ANO10: variants seen among roughly 807,000 people sequenced by gnomAD.
ANO10 encodes anoctamin 10, also known as anoctamin-10.
A neutral mutation model predicts 74.7 loss-of-function variants in ANO10; 77 were observed. The observed-to-expected ratio is 1.03, with a 90% CI of 0.86 to 1.25. The LOEUF (loss-of-function observed/expected upper bound fraction) is 1.25. Ranked by LOEUF, ANO10 falls within the 50% of genes most tolerant of loss-of-function variation. The pLI, the probability that ANO10 is intolerant of heterozygous loss-of-function variation, is 0.00. For synonymous variants in ANO10, 279 were observed against 284.9 expected (o/e 0.98, Z 0.21); for missense variants, 721 against 778.1 (o/e 0.93, Z 0.87).
Position 43,555,442 on chromosome 3 carries a change from A to G in ANO10, c.1504T>C (p.Phe502Leu), listed in dbSNP as rs952756971. ...LGTFDDYLEL[F>L]LQFGYVSLFS... is the part of the protein sequence containing the mutation. ...AGGCTCACATAACCAAACTGCAGGA[A>G]TAACTCCAAGTAATCATCAAAGGTG... is the stretch of plus-strand genomic sequence containing the variant. The change falls in exon 10 of 13, where the codon TTC (phenylalanine) becomes CTC (leucine). Residue 502 changes from phenylalanine to leucine, a missense_variant. Phe to Leu is a conservative substitution (Grantham distance 22, BLOSUM62 0). Coordinates refer to ENST00000292246, the MANE Select transcript of ANO10 (RefSeq NM_018075.5). 2 of 1,614,180 alleles carry G rather than the reference A, an allele frequency of 1.2e-6. No homozygotes were observed. Among genetic ancestry groups the G allele is most frequent in the Admixed American group, 3.3e-5 (2 of 60,016 alleles).
Position 43,584,924 on chromosome 3 carries a change from A to C in ANO10, c.473-4452T>G, listed in dbSNP as rs1575484704. Among the ~76,000 whole-genome samples, 3 of 152,112 alleles carry C rather than the reference A, an allele frequency of 2.0e-5. No homozygotes were observed. The East Asian group carries it at 5.8e-4, about 29-fold the overall frequency. ...GAGGGGTATCACATTGGGCAGACTA[A>C]AGCCTCTCCTCTCAATTAGCCTCAA... On this transcript the variant is annotated intron_variant, in intron 4 of 12. Coordinates refer to ENST00000292246, the MANE Select transcript of ANO10 (RefSeq NM_018075.5).
At chr3:43,647,989 C>T (rs1316098167) in intron 1 of ANO10, among the ~76,000 whole-genome samples, 2 of 152,186 alleles carry the variant, frequency 1.3e-5, no homozygotes, top group Non-Finnish European at 2.9e-5. Flanking sequence ...TCGTGCCCAA[C>T]TCATTGTTAC....
In ANO10 at chr3:43,418,883, G is replaced by A. The variant is rs1349737017; in HGVS notation, c.1914+13728C>T. 8.5e-5 allele frequency among the ~76,000 whole-genome samples: 13 copies of A among 152,230 alleles called. 1 individual carries two copies. The highest frequency in any genetic ancestry group is 8.5e-4 in the Admixed American group (13 of 15,286). ...GCCTACAGCCTGTTCGGTAAACAAA[G>A]TTTACTGGAACATAGCCACGCTCTT... On this transcript the variant is annotated intron_variant, in intron 12 of 12. Coordinates refer to ENST00000292246, the MANE Select transcript of ANO10 (RefSeq NM_018075.5).
At chr3:43,537,611 C>CCA (rs3223349) in intron 11 of ANO10, among the ~76,000 whole-genome samples, 33,105 of 139,818 alleles carry the variant, frequency 0.24, 3,814 homozygotes, top group Non-Finnish European at 0.27. Flanking sequence ...ACTTTATAAA[C>CCA]CACACACACA....
At chr3:43,479,516 C>T (rs745627775) in intron 11 of ANO10, among the ~76,000 whole-genome samples, 6 of 152,168 alleles carry the variant, frequency 3.9e-5, no homozygotes, top group East Asian at 1.9e-4. Context: ...GTGATTGGTA[C>T]ATCTGCCCTG....
intron 1 of ANO10, among the ~76,000 whole-genome samples, chr3:43,681,025 G>A (rs904632837): frequency 2.0e-5 from 3 of 152,092 alleles, no homozygotes; most frequent in Non-Finnish European, 2.9e-5. Flanking sequence ...ATCAACTAAC[G>A]AGCAAAATAA....
intron 1 of ANO10, among the ~76,000 whole-genome samples, chr3:43,620,598 T>C (rs1383227190): frequency 6.6e-6 from 1 of 152,084 alleles, no homozygotes; most frequent in Non-Finnish European, 1.5e-5. Flanking sequence ...GCCAACATGG[T>C]GGAACCCCAT....
At chr3:43,616,825 C>T (rs2083132887) in intron 1 of ANO10, among the ~76,000 whole-genome samples, 1 of 152,060 alleles carries the variant, frequency 6.6e-6, no homozygotes, top group African/African-American at 2.4e-5. Flanking sequence ...AAATGTCTGT[C>T]CCCATATGGT....
chr3:43,370,842 T>C (rs541871358), intron 12 of ANO10, among the ~76,000 whole-genome samples: 8 of 152,326 alleles, frequency 5.3e-5, no homozygotes, highest in African/African-American at 1.9e-4. Flanking sequence ...AATGCACAGC[T>C]TGACCTGAGG....
intron 12 of ANO10, among the ~76,000 whole-genome samples, chr3:43,410,724 C>T (rs1161393290): frequency 6.6e-6 from 1 of 152,090 alleles, no homozygotes; most frequent in Non-Finnish European, 1.5e-5. Context: ...AAGAAGTTAA[C>T]ATTACCAAGT....
chr3:43,565,314 G>T (rs1156308726), intron 8 of ANO10, among the ~76,000 whole-genome samples: 2 of 152,058 alleles, frequency 1.3e-5, no homozygotes, highest in African/African-American at 2.4e-5. Context: ...GAGACCTAAG[G>T]TTACACCAAT....
At chr3:43,590,253 G>C (rs949932424) in intron 4 of ANO10, among the ~76,000 whole-genome samples, 2 of 151,928 alleles carry the variant, frequency 1.3e-5, no homozygotes, top group African/African-American at 2.4e-5. Flanking sequence ...CAGTAGGCTA[G>C]AATAAATACT....
intron 11 of ANO10, among the ~76,000 whole-genome samples, chr3:43,471,532 G>A (rs76142371): frequency 1.0e-3 from 157 of 152,160 alleles, no homozygotes; most frequent in Non-Finnish European, 1.8e-3. Flanking sequence ...CAAATGATAC[G>A]CTCCCATAGG....
chr3:43,431,534 T>C (rs1020553503), intron 12 of ANO10, among the ~76,000 whole-genome samples: 1 of 152,080 alleles, frequency 6.6e-6, no homozygotes, highest in Non-Finnish European at 1.5e-5. Flanking sequence ...AGTTTCATTA[T>C]TGGGCATGAT....
upstream of ANO10, among the ~76,000 whole-genome samples, chr3:43,624,902 T>C (rs1282159314): frequency 2.0e-5 from 3 of 152,224 alleles, no homozygotes; most frequent in African/African-American, 7.2e-5. Flanking sequence ...CTCAGTTGAC[T>C]GAAGGTAATT....
At chr3:43,669,786 G>A (rs1487387226) in intron 1 of ANO10, among the ~76,000 whole-genome samples, 1 of 151,924 alleles carries the variant, frequency 6.6e-6, no homozygotes, top group Non-Finnish European at 1.5e-5. Context: ...GAGTGCAGTG[G>A]CACTATCTCG....
chr3:43,597,587 G>A (rs1393910574), intron 4 of ANO10, among the ~76,000 whole-genome samples: 4 of 151,614 alleles, frequency 2.6e-5, no homozygotes, highest in Non-Finnish European at 4.4e-5. Context: ...ACAGGAAGAG[G>A]AACATCACAC....
At chr3:43,588,260 G>C (rs1304898195) in intron 4 of ANO10, among the ~76,000 whole-genome samples, 1 of 151,978 alleles carries the variant, frequency 6.6e-6, no homozygotes, top group Admixed American at 6.6e-5. Context: ...ATGTTATTAA[G>C]AATCAATATT....
At chr3:43,372,390 C>T (rs1010519797) in intron 12 of ANO10, among the ~76,000 whole-genome samples, 7 of 152,296 alleles carry the variant, frequency 4.6e-5, no homozygotes, top group East Asian at 3.9e-4. Flanking sequence ...GGGTTTTAAA[C>T]GGGGGGCTGT....
Sources: allele counts gnomAD v4.1 joint callset (sites outside exome capture counted in the v4.1 genomes callset), GRCh38; gene constraint gnomAD v4.1.1; transcripts MANE v1.5; gene names NCBI Gene and HGNC (gene_info 2026-07-23, HGNC 2026-07-21).